The following RFX8 variants were observed in gnomAD, a reference collection of about 807,000 sequenced individuals.
The protein encoded by RFX8 is DNA-binding protein RFX8.
A neutral mutation model predicts 54.6 loss-of-function variants in RFX8; 46 were observed. The ratio of observed to expected loss-of-function variants is 0.84; its 90% CI spans 0.67 to 1.08. The LOEUF (loss-of-function observed/expected upper bound fraction) is 1.08, where lower values mean the gene tolerates loss of function less well. RFX8 is among the 50% of genes least tolerant of loss of function. The probability of loss-of-function intolerance (pLI) is 0.00; values close to 1 mark genes in which losing one functional copy is unlikely to be tolerated. For missense variants in RFX8, 536 were observed against 562.3 expected, an observed-to-expected ratio of 0.95 and a Z score of 0.47; for synonymous variants, 192 against 209.5, an observed-to-expected ratio of 0.92 and a Z score of 0.72.
Position 101,466,836 on chromosome 2 carries a change from A to T in RFX8, c.13T>A (p.Tyr5Asn), listed in dbSNP as rs375204190. 6.4e-7 allele frequency: 1 copy of T among 1,551,492 alleles called. No homozygotes were observed. Among genetic ancestry groups the T allele is most frequent in the Non-Finnish European group, 8.7e-7 (1 of 1,146,766 alleles). ...GTGTTTTGCCCACAGGTCTCCACGTAAATCTCATACATGAGACAGCGAGGG... is the reference window on the plus strand; with the variant it reads ...GTGTTTTGCCCACAGGTCTCCACGTTAATCTCATACATGAGACAGCGAGGG... The part of the protein sequence containing the change: MYEI[Y>N]VETCGQNTEN... Residue 5 changes from tyrosine (Y) to asparagine (N), a missense_variant, in exon 2 of 12, where the codon TAC (tyrosine) becomes AAC (asparagine). Coordinates refer to ENST00000428343, the MANE Select transcript of RFX8 (RefSeq NM_001145664.2).
chr2:101,454,583 G>A (rs937055311), intron 2 of RFX8, among the ~76,000 whole-genome samples: 13 of 152,202 alleles, frequency 8.5e-5, no homozygotes, highest in East Asian at 3.9e-4. Flanking sequence ...TTTAATGATC[G>A]TTATTCTAAC....
At chr2:101,468,591 G>A (rs1280377820) in intron 1 of RFX8, among the ~76,000 whole-genome samples, 2 of 151,886 alleles carry the variant, frequency 1.3e-5, no homozygotes, top group Non-Finnish European at 2.9e-5. Flanking sequence ...TGCATGGCTA[G>A]TATCTCTGTG....
chr2:101,471,325 C>T (rs1018945298), intron 1 of RFX8, among the ~76,000 whole-genome samples: 3 of 152,006 alleles, frequency 2.0e-5, no homozygotes, highest in African/African-American at 7.2e-5. Context: ...CAAAGCGAGA[C>T]TCCATCTCAG....
chr2:101,454,510 C>A (rs7580925), intron 2 of RFX8, among the ~76,000 whole-genome samples: 52,454 of 152,036 alleles, frequency 0.35, 9,717 homozygotes, highest in African/African-American at 0.44. Context: ...TACACTCCCA[C>A]CAACAGTGTA....
intron 2 of RFX8, among the ~76,000 whole-genome samples, chr2:101,456,878 C>T (rs916432591): frequency 6.6e-6 from 1 of 152,058 alleles, no homozygotes; most frequent in African/African-American, 2.4e-5. Flanking sequence ...ATAATTATTG[C>T]CTCAATTTCA....
chr2:101,467,948 A>G (rs902551713), intron 1 of RFX8, among the ~76,000 whole-genome samples: 1 of 152,078 alleles, frequency 6.6e-6, no homozygotes, highest in South Asian at 2.1e-4. Context: ...TACAGACAAT[A>G]CGTCTCCTTG....
Position 101,402,664 on chromosome 2 carries a change from GTCCTCC to G in RFX8, c.1011_1016del (p.Glu337_Glu338del). 6.4e-7 allele frequency: 1 copy of G among 1,554,928 alleles called. No homozygotes were observed. The highest frequency in any genetic ancestry group is 8.7e-7 in the Non-Finnish European group (1 of 1,148,476). ...GTAGCATTTCCTTGACAGTCCCCAT[GTCCTCC>G]TCCTCCTCTTCCTCCTCTAGGCATG... On this transcript the variant is annotated inframe_deletion, in exon 11 of 12. Transcript: ENST00000428343.
At chr2:101,459,322 G>A (rs1689144395) in intron 2 of RFX8, among the ~76,000 whole-genome samples, 1 of 152,188 alleles carries the variant, frequency 6.6e-6, no homozygotes, top group Admixed American at 6.5e-5. Flanking sequence ...CAGCTTTTCT[G>A]CTCTGGTTTC....
At chr2:101,474,014 T>TA (rs1690156915) in intron 1 of RFX8, among the ~76,000 whole-genome samples, 1 of 152,152 alleles carries the variant, frequency 6.6e-6, no homozygotes, top group Non-Finnish European at 1.5e-5. Flanking sequence ...CCGGGGCTTT[T>TA]ACGCGTGTGC....
At chr2:101,447,852 A>G (rs1688474763) in intron 2 of RFX8, among the ~76,000 whole-genome samples, 1 of 152,170 alleles carries the variant, frequency 6.6e-6, no homozygotes, top group African/African-American at 2.4e-5. Flanking sequence ...TATGAGTGAG[A>G]ACACGCAATA....
intron 11 of RFX8, among the ~76,000 whole-genome samples, chr2:101,398,214 G>A (rs1408269999): frequency 6.6e-6 from 1 of 152,210 alleles, no homozygotes; most frequent in Admixed American, 6.5e-5. Flanking sequence ...AGGGTCCAGT[G>A]AGGACTCAGT....
chr2:101,458,619 C>T (rs955085409), intron 2 of RFX8, among the ~76,000 whole-genome samples: 5 of 152,198 alleles, frequency 3.3e-5, no homozygotes, highest in African/African-American at 2.4e-5. Flanking sequence ...GTAACTCGAC[C>T]TTTCTCTCTG....
intron 1 of RFX8, among the ~76,000 whole-genome samples, chr2:101,470,736 T>G (rs1689934312): frequency 2.2e-5 from 3 of 135,286 alleles, no homozygotes; most frequent in African/African-American, 8.8e-5. Flanking sequence ...TTTTTTTTTT[T>G]TGAGATGGAG....
At position 101,446,767 on chromosome 2, in the gene RFX8, C is replaced by CAGG. The variant is rs1688407358; in HGVS notation, c.72+20009_72+20010insCCT. 2.5e-5 allele frequency among the ~76,000 whole-genome samples: 3 copies of CAGG among 120,344 alleles called. No homozygotes were observed. In the Admixed American group the frequency reaches 3.6e-4, roughly 15 times the overall value. 79.0% of individuals were successfully genotyped at this position (120,344 alleles called of 152,430 possible). A position where few individuals can be genotyped will look rare whatever the true frequency, so the allele number is the denominator to read the frequency against. ...TTTTCCTGGAGCATGCAGGGCTCTC[C>CAGG]AAATTGTCTGTTAGTTAACTGACTG... On this transcript the variant is annotated intron_variant, in intron 2 of 11. Transcript: ENST00000428343.
intron 10 of RFX8, 149 bp from the exon 11 acceptor site, chr2:101,402,901 T>G: frequency 1.4e-6 from 1 of 694,622 alleles, no homozygotes; most frequent in South Asian, 2.0e-5. Context: ...GGTCGGCCTC[T>G]TACGTAGCAT....
chr2:101,474,229 C>G (rs1475506344), intron 1 of RFX8: 1 of 609,462 alleles, frequency 1.6e-6, no homozygotes, highest in Non-Finnish European at 2.9e-6. Flanking sequence ...GTGCGGGCCC[C>G]GGCTACCCTC....
intron 11 of RFX8, among the ~76,000 whole-genome samples, chr2:101,402,027 G>C (rs1034506797): frequency 1.3e-5 from 2 of 152,206 alleles, no homozygotes; most frequent in African/African-American, 2.4e-5. Flanking sequence ...TCTTTCAACA[G>C]GTATCCCAAT....
chr2:101,464,111 C>T (rs1689436618), intron 2 of RFX8, among the ~76,000 whole-genome samples: 1 of 152,200 alleles, frequency 6.6e-6, no homozygotes, highest in Non-Finnish European at 1.5e-5. Context: ...GTGGTTACTT[C>T]TCCAGCTCCT....
chr2:101,468,711 A>C (rs914252425), intron 1 of RFX8, among the ~76,000 whole-genome samples: 1 of 151,882 alleles, frequency 6.6e-6, no homozygotes, highest in African/African-American at 2.4e-5. Context: ...ATAAGGTTAC[A>C]TTCTGAGGTT....
Sources: gnomAD v4.1 joint callset for allele counts (sites outside exome capture counted in the v4.1 genomes callset) on GRCh38, gnomAD v4.1.1 for gene constraint, MANE v1.5 for transcripts, NCBI Gene and HGNC (gene_info 2026-07-23, HGNC 2026-07-21) for gene names.